FIP1L1: variants seen among roughly 807,000 people sequenced by gnomAD.
FIP1L1 encodes factor interacting with PAPOLA and CPSF1.
Under a neutral mutation model 84.6 loss-of-function variants are expected in FIP1L1, and 21 were observed. The observed-to-expected ratio is 0.25, with a 90% CI of 0.18 to 0.36. The LOEUF is 0.36. Among genes scored for constraint, FIP1L1 ranks in the 10% least tolerant of loss-of-function variants. FIP1L1 has a pLI of 1.00. For synonymous variants in FIP1L1, 263 were observed against 242.3 expected, an observed-to-expected ratio of 1.09 and a Z score of -0.80; for missense variants, 526 against 751.1, an observed-to-expected ratio of 0.70 and a Z score of 3.50.
chr4:53,394,143 C>T (rs1746003312), intron 9 of FIP1L1, among the ~76,000 whole-genome samples: 1 of 152,078 alleles, frequency 6.6e-6, no homozygotes, highest in Admixed American at 6.6e-5. Context: ...TTCATGCCTA[C>T]AGTAATGCAA....
At chr4:53,410,353 G>C (rs544481784) in intron 10 of FIP1L1, among the ~76,000 whole-genome samples, 12 of 152,150 alleles carry the variant, frequency 7.9e-5, no homozygotes, top group African/African-American at 1.9e-4. Context: ...ACAGCTTCTC[G>C]TGTAGTTGTA....
chr4:53,434,562 C>A (rs1426208182), intron 13 of FIP1L1, among the ~76,000 whole-genome samples: 1 of 151,748 alleles, frequency 6.6e-6, no homozygotes, highest in Admixed American at 6.6e-5. Context: ...ACCTCTGCCT[C>A]CCAGGTTCAA....
chr4:53,399,436 T>C (rs1325024929), intron 9 of FIP1L1, among the ~76,000 whole-genome samples: 5 of 152,226 alleles, frequency 3.3e-5, no homozygotes, highest in Non-Finnish European at 7.3e-5. Flanking sequence ...TGGGACCTAT[T>C]TGTAGTGATC....
chr4:53,393,132 G>C (rs553210454), intron 9 of FIP1L1, among the ~76,000 whole-genome samples: 7 of 152,254 alleles, frequency 4.6e-5, no homozygotes, highest in African/African-American at 1.7e-4. Context: ...GAAAGTTCCT[G>C]AGCAGTAGAA....
At position 53,459,921 on chromosome 4, in the gene FIP1L1, T is replaced by C. The variant is rs112778100; in HGVS notation, c.*472T>C. 5.0e-3 allele frequency: 1,090 copies of C among 219,370 alleles called. 12 individuals carry two copies. Among genetic ancestry groups the C allele is most frequent in the African/African-American group, 0.023 (1,027 of 44,702 alleles). The allele number at this position is 219,370 out of a possible 1,614,324, so 13.6% of individuals were successfully genotyped here. A position where few individuals can be genotyped will look rare whatever the true frequency, so the allele number is the denominator to read the frequency against. ...CTTGCTTAGTATATTAAGAGACTCA[T>C]ACATTTTTGATATCACAACTTTTTG... On this transcript the variant is annotated 3_prime_UTR_variant, in exon 18 of 18. Transcript: ENST00000337488.
intron 5 of FIP1L1, among the ~76,000 whole-genome samples, chr4:53,388,462 G>C (rs1742337176): frequency 6.6e-6 from 1 of 152,018 alleles, no homozygotes; most frequent in Admixed American, 6.5e-5. Flanking sequence ...AGCCTCCTGA[G>C]TAGCTGGGAT....
At chr4:53,408,549 T>G (rs1428618404) in intron 10 of FIP1L1, among the ~76,000 whole-genome samples, 1 of 152,242 alleles carries the variant, frequency 6.6e-6, no homozygotes, top group Non-Finnish European at 1.5e-5. Context: ...CCTGCCTTGC[T>G]AGATTGGGGA....
intron 10 of FIP1L1, among the ~76,000 whole-genome samples, chr4:53,413,842 G>A (rs905746296): frequency 3.9e-5 from 6 of 151,960 alleles, no homozygotes; most frequent in Admixed American, 6.6e-5. Flanking sequence ...AGTTCGAAAG[G>A]CAAGAGTATC....
At chr4:53,394,664 T>C (rs1490093900) in intron 9 of FIP1L1, among the ~76,000 whole-genome samples, 2 of 152,082 alleles carry the variant, frequency 1.3e-5, no homozygotes, top group East Asian at 3.8e-4. Context: ...TTAATCTAAT[T>C]TCAAAGTTCT....
intron 13 of FIP1L1, 192 bp from the exon 14 acceptor site, chr4:53,442,461 G>A: frequency 1.8e-6 from 1 of 547,168 alleles, no homozygotes; most frequent in Admixed American, 3.4e-5. Context: ...AGACCAGACT[G>A]CTTACTTAAA....
chr4:53,430,452 G>GATCCTCCTGCCTCAGAGTAGCTGGTA lies in FIP1L1; in HGVS notation c.1174+2270_1174+2295dup, dbSNP rs796932093. ...CATCCTCCACCTCCCAGGCTCAAGC[G>GATCCTCCTGCCTCAGAGTAGCTGGTA]ATCCTCCTGCCTCAGAGTAGCTGGT... On this transcript the variant is annotated intron_variant, in intron 13 of 17. Coordinates refer to ENST00000337488, the MANE Select transcript of FIP1L1 (RefSeq NM_030917.4). Among the ~76,000 whole-genome samples, 111 of 146,852 alleles carry GATCCTCCTGCCTCAGAGTAGCTGGTA rather than the reference G, an allele frequency of 7.6e-4. 1 individual carries two copies. Among genetic ancestry groups the GATCCTCCTGCCTCAGAGTAGCTGGTA allele is most frequent in the African/African-American group, 2.6e-3 (103 of 39,524 alleles).
At chr4:53,384,042 C>T (rs975998513) in intron 5 of FIP1L1, among the ~76,000 whole-genome samples, 166 bp downstream of exon 5, 3 of 152,150 alleles carry the variant, frequency 2.0e-5, no homozygotes, top group Non-Finnish European at 4.4e-5. Context: ...TGCTAAAATA[C>T]AGTTAATTGA....
chr4:53,446,518 G>A (rs1393096142), intron 15 of FIP1L1, among the ~76,000 whole-genome samples: 1 of 152,130 alleles, frequency 6.6e-6, no homozygotes, highest in Non-Finnish European at 1.5e-5. Flanking sequence ...CTAGGTTTGG[G>A]TCCTGGGTTC....
At chr4:53,381,753 C>CTTTATTTTTTTTTTTTTTTTT (rs1738047701) in intron 3 of FIP1L1, among the ~76,000 whole-genome samples, 1 of 87,948 alleles carries the variant, frequency 1.1e-5, no homozygotes, top group Non-Finnish European at 2.0e-5. Flanking sequence ...CATTTGCATT[C>CTTTATTTTTTTTTTTTTTTTT]TTTTTTTTTT....
chr4:53,421,621 A>G (rs1762464865), intron 11 of FIP1L1, among the ~76,000 whole-genome samples: 1 of 152,218 alleles, frequency 6.6e-6, no homozygotes, highest in Non-Finnish European at 1.5e-5. Flanking sequence ...GCCACATTCT[A>G]GGCTTTTTCT....
rs1445088229 is a variant in FIP1L1, at chr4:53,452,968, T to G, written c.1334T>G (p.Val445Gly). The change falls in exon 16 of 18, where the codon GTG (valine) becomes GGG (glycine). Residue 445 changes from valine to glycine, a missense_variant. Val to Gly is a moderately radical substitution (Grantham distance 109, BLOSUM62 -3). This residue lies in a region of FIP1L1 where 83 missense variants were observed against 93.8 expected (regional missense o/e 0.88). Transcript: ENST00000337488. ...TCTGCTCCTTCGTGGCCTAGTCTTG[T>G]GGACACCAGCAAGCAGTGGGACTAT... ...PGSAPSWPSL[V>G]DTSKQWDYYA... The G allele has an allele frequency of 1.2e-6, 2 of 1,613,416 alleles. No homozygotes were observed. Among genetic ancestry groups the G allele is most frequent in the Non-Finnish European group, 1.7e-6 (2 of 1,179,986 alleles).
intron 10 of FIP1L1, among the ~76,000 whole-genome samples, chr4:53,410,971 TG>T (rs34291585): frequency 0.81 from 123,411 of 151,926 alleles, 50,263 homozygotes; most frequent in Middle Eastern, 0.85. Flanking sequence ...AAGAATAAGG[TG>T]GGGGGGGCTG....
chr4:53,430,349 T>A (rs1766061657), intron 13 of FIP1L1, among the ~76,000 whole-genome samples: 2 of 140,216 alleles, frequency 1.4e-5, no homozygotes, highest in Non-Finnish European at 3.1e-5. Flanking sequence ...TACTTTTTTT[T>A]TTTTTTTTTT....
chr4:53,414,894 A>G (rs1346973688), intron 11 of FIP1L1, among the ~76,000 whole-genome samples, 172 bp downstream of exon 11: 1 of 152,068 alleles, frequency 6.6e-6, no homozygotes, highest in African/African-American at 2.4e-5. Flanking sequence ...AAAACCCAGC[A>G]CTTGTCTTGC....
Sources: allele counts gnomAD v4.1 joint callset (sites outside exome capture counted in the v4.1 genomes callset), GRCh38; gene constraint gnomAD v4.1.1; regional missense constraint gnomAD v4.1.1; transcripts MANE v1.5; gene names NCBI Gene and HGNC (gene_info 2026-07-23, HGNC 2026-07-21).